The following POU2F1 variants were observed in gnomAD, a reference collection of about 807,000 sequenced individuals.
POU2F1 encodes the protein POU class 2 homeobox 1, also known as POU domain, class 2, transcription factor 1.
Under a neutral mutation model 84.9 loss-of-function variants are expected in POU2F1, and 16 were observed. The observed-to-expected ratio is 0.19, with a 90% CI of 0.13 to 0.29. The LOEUF (loss-of-function observed/expected upper bound fraction) is 0.29, where lower values mean the gene tolerates loss of function less well. Among genes scored for constraint, POU2F1 ranks in the 10% least tolerant of loss-of-function variants. The pLI is 1.00. For synonymous variants in POU2F1, 368 were observed against 368.3 expected, an observed-to-expected ratio of 1.00 and a Z score of 0.01; for missense variants, 738 against 942.6, an observed-to-expected ratio of 0.78 and a Z score of 2.84.
chr1:167,321,206 G>A (rs918642543), intron 1 of POU2F1, among the ~76,000 whole-genome samples: 17 of 152,158 alleles, frequency 1.1e-4, no homozygotes, highest in African/African-American at 2.7e-4. Context: ...AATTTTTTAC[G>A]AGTAGGTTCA....
intron 1 of POU2F1, among the ~76,000 whole-genome samples, chr1:167,252,047 A>G (rs943108401): frequency 1.3e-5 from 2 of 151,574 alleles, no homozygotes; most frequent in African/African-American, 4.8e-5. Context: ...GTTTTAGTAG[A>G]GACCGGGTTT....
chr1:167,400,068 C>T (rs1022591903), intron 12 of POU2F1, among the ~76,000 whole-genome samples: 1 of 150,044 alleles, frequency 6.7e-6, no homozygotes, highest in Non-Finnish European at 1.5e-5. Flanking sequence ...ACTGCAACCT[C>T]CGCCTCCTGG....
At chr1:167,376,600 A>G (rs1465049926) in intron 7 of POU2F1, 2 of 153,106 alleles carry the variant, frequency 1.3e-5, no homozygotes, top group Non-Finnish European at 2.9e-5. Flanking sequence ...GAGTTATAAA[A>G]AACATCTTTG....
At chr1:167,241,563 C>T (rs1649906266) in intron 1 of POU2F1, 1 of 152,154 alleles carries the variant, frequency 6.6e-6, no homozygotes, top group African/African-American at 2.4e-5. Context: ...TACACCTTCA[C>T]TTGTATTAGC....
chr1:167,228,173 G>A (rs1648781369), intron 1 of POU2F1, among the ~76,000 whole-genome samples: 1 of 152,220 alleles, frequency 6.6e-6, no homozygotes, highest in Non-Finnish European at 1.5e-5. Flanking sequence ...GTTCAACATT[G>A]TGATGTATAG....
chr1:167,316,458 T>C lies in POU2F1; in HGVS notation c.62-16012T>C, dbSNP rs539262084. ...ACCTGAGGCCATAGCTTTTGAATAG[T>C]TTTTATAGGATAGGTAGACTTTTCA... On this transcript the variant is annotated intron_variant, in intron 1 of 15. Coordinates refer to ENST00000367866, the MANE Select transcript of POU2F1 (RefSeq NM_002697.4). 5.3e-5 allele frequency among the ~76,000 whole-genome samples: 8 copies of C among 152,300 alleles called. No individual in the cohort carries two copies. In the South Asian group the frequency reaches 1.7e-3, roughly 32 times the overall value.
At chr1:167,405,192 A>C (rs1032177327) in intron 13 of POU2F1, among the ~76,000 whole-genome samples, 4 of 151,964 alleles carry the variant, frequency 2.6e-5, no homozygotes, top group African/African-American at 9.7e-5. Context: ...CCCCCAATTC[A>C]TTTTCCAAAA....
At chr1:167,344,210 G>C (rs1219277737) in intron 2 of POU2F1, among the ~76,000 whole-genome samples, 1 of 152,102 alleles carries the variant, frequency 6.6e-6, no homozygotes, top group Non-Finnish European at 1.5e-5. Flanking sequence ...CATTATCACA[G>C]AAAGTTCTAT....
chr1:167,354,740 G>T (rs1353686347), intron 2 of POU2F1, among the ~76,000 whole-genome samples: 3 of 152,148 alleles, frequency 2.0e-5, no homozygotes, highest in African/African-American at 7.2e-5. Context: ...GTGTAAAATG[G>T]TATCTCATTG....
intron 1 of POU2F1, among the ~76,000 whole-genome samples, chr1:167,225,881 T>C (rs1648594863): frequency 1.3e-5 from 2 of 152,216 alleles, no homozygotes; most frequent in Non-Finnish European, 2.9e-5. Flanking sequence ...ATATTAGTCT[T>C]TCAAGCACCA....
chr1:167,255,965 C>T (rs1025724022), intron 1 of POU2F1, among the ~76,000 whole-genome samples: 1 of 152,252 alleles, frequency 6.6e-6, no homozygotes, highest in South Asian at 2.1e-4. Flanking sequence ...CTTGGAGGGA[C>T]TCACTCCTTT....
chr1:167,395,392 C>G (rs1648733789), intron 9 of POU2F1, among the ~76,000 whole-genome samples: 1 of 152,038 alleles, frequency 6.6e-6, no homozygotes, highest in South Asian at 2.1e-4. Context: ...TTTTTTGTAA[C>G]TAACTTTGAA....
chr1:167,335,164 C>T (rs1342883313), intron 2 of POU2F1, among the ~76,000 whole-genome samples: 1 of 152,068 alleles, frequency 6.6e-6, no homozygotes, highest in Non-Finnish European at 1.5e-5. Flanking sequence ...AGTGCCCGTT[C>T]TATGTGTAAA....
At chr1:167,408,346 G>A (rs953277785) in intron 13 of POU2F1, among the ~76,000 whole-genome samples, 9 of 152,078 alleles carry the variant, frequency 5.9e-5, no homozygotes, top group East Asian at 3.9e-4. Flanking sequence ...TAAATTTACC[G>A]TCCTACCCAG....
At chr1:167,252,062 AT>A (rs901993670) in intron 1 of POU2F1, among the ~76,000 whole-genome samples, 5 of 151,440 alleles carry the variant, frequency 3.3e-5, no homozygotes, top group Non-Finnish European at 5.9e-5. Context: ...GGGTTTCACC[AT>A]TTTGGCCAGG....
Position 167,412,242 on chromosome 1 carries a change from T to G in POU2F1, c.1839T>G (p.Ala613=). 1 of 1,599,462 alleles carries G rather than the reference T, an allele frequency of 6.3e-7. No homozygotes were observed. The highest frequency in any genetic ancestry group is 8.5e-7 in the Non-Finnish European group (1 of 1,172,596). Residue 613 remains alanine (A), a synonymous_variant, in exon 14 of 16, where the codon GCT becomes GCG. Transcript: ENST00000367866. ...AGTTGCCAGCAAATGCCAGTCTTGC[T>G]GCCATGGCAGCTGCTGCAGGACTAA... ...AAQLPANASL[A]AMAAAAGLNP... is the part of the protein sequence containing the mutation.
Position 167,418,610 on chromosome 1 carries a change from T to A in POU2F1, c.*2800T>A, listed in dbSNP as rs1345546754. Reference sequence around the variant, plus strand: ...AAGGAAGTGTGGAGTCCCAAGGGACTCAAGCTCAGTGAGGTAAGACAAAGG... The same window carrying A: ...AAGGAAGTGTGGAGTCCCAAGGGACACAAGCTCAGTGAGGTAAGACAAAGG... On this transcript the variant is annotated 3_prime_UTR_variant, in exon 16 of 16. Coordinates refer to ENST00000367866, the MANE Select transcript of POU2F1 (RefSeq NM_002697.4). 30 of 152,274 alleles carry A rather than the reference T, an allele frequency of 2.0e-4. No individual in the cohort carries two copies. Among genetic ancestry groups the A allele is most frequent in the African/African-American group, 6.3e-4 (26 of 41,568 alleles). The allele number at this position is 152,274 out of a possible 1,614,324, so 9.4% of individuals were successfully genotyped here. A position where few individuals can be genotyped will look rare whatever the true frequency, so the allele number is the denominator to read the frequency against.
At chr1:167,251,204 G>C (rs560098750) in intron 1 of POU2F1, among the ~76,000 whole-genome samples, 2 of 152,078 alleles carry the variant, frequency 1.3e-5, no homozygotes, top group African/African-American at 4.8e-5. Context: ...TGTGAGACCA[G>C]CCTGCCCAAC....
intron 1 of POU2F1, among the ~76,000 whole-genome samples, chr1:167,236,314 G>T (rs1649450892): frequency 6.6e-6 from 1 of 152,024 alleles, no homozygotes; most frequent in Non-Finnish European, 1.5e-5. Flanking sequence ...TCTTGGCCAG[G>T]CAGGTGTTGA....
Sources: allele counts gnomAD v4.1 joint callset (sites outside exome capture counted in the v4.1 genomes callset), GRCh38; gene constraint gnomAD v4.1.1; transcripts MANE v1.5; gene names NCBI Gene and HGNC (gene_info 2026-07-23, HGNC 2026-07-21).